The following SUCLG2 variants were observed in gnomAD, a reference collection of about 807,000 sequenced individuals.
The protein encoded by SUCLG2 is succinate-CoA ligase GDP-forming subunit beta.
Under a neutral mutation model 47.9 loss-of-function variants are expected in SUCLG2, and 42 were observed. The ratio of observed to expected loss-of-function variants is 0.88; its 90% CI spans 0.69 to 1.14. The LOEUF is 1.14. SUCLG2 is among the 50% of genes most tolerant of loss of function. SUCLG2 has a pLI of 0.00. For missense variants in SUCLG2, 571 were observed against 525.9 expected (o/e 1.09, Z -0.84); for synonymous variants, 195 against 197.3 (o/e 0.99, Z 0.10).
chr3:67,498,369 GCA>G, intron 7 of SUCLG2, 74 bp from the exon 8 acceptor site: 1 of 1,505,566 alleles, frequency 6.6e-7, no homozygotes, highest in Non-Finnish European at 9.1e-7. Flanking sequence ...AGGCTGGTAG[GCA>G]CAAGCGAAGG....
chr3:67,581,986 C>T (rs1339526451), intron 2 of SUCLG2, among the ~76,000 whole-genome samples: 1 of 152,116 alleles, frequency 6.6e-6, no homozygotes, highest in African/African-American at 2.4e-5. Flanking sequence ...ATTAAGAAGC[C>T]AAATTAGGAA....
chr3:67,522,661 CTT>C (rs201002662), intron 4 of SUCLG2, among the ~76,000 whole-genome samples: 15 of 134,408 alleles, frequency 1.1e-4, no homozygotes, highest in Admixed American at 3.0e-4. Flanking sequence ...GCTTTTCTTT[CTT>C]TTTTTTTTTT....
chr3:67,425,505 T>TG (rs1363140582), intron 9 of SUCLG2, among the ~76,000 whole-genome samples: 2 of 152,064 alleles, frequency 1.3e-5, no homozygotes, highest in Non-Finnish European at 2.9e-5. Flanking sequence ...TCCAATCTGT[T>TG]GGGGGCCTAA....
chr3:67,500,101 A>T (rs754256473), intron 7 of SUCLG2, among the ~76,000 whole-genome samples: 3 of 152,144 alleles, frequency 2.0e-5, no homozygotes, highest in Non-Finnish European at 4.4e-5. Context: ...GATACTACCT[A>T]TTCTCCTCCA....
intron 6 of SUCLG2, among the ~76,000 whole-genome samples, chr3:67,511,495 G>T (rs1378769166): frequency 6.6e-6 from 1 of 152,090 alleles, no homozygotes; most frequent in Non-Finnish European, 1.5e-5. Flanking sequence ...TTTATAAAGG[G>T]GGGGTTCCTC....
At chr3:67,549,312 C>T (rs533983576) in intron 2 of SUCLG2, among the ~76,000 whole-genome samples, 27 of 152,294 alleles carry the variant, frequency 1.8e-4, no homozygotes, top group African/African-American at 6.3e-4. Context: ...TCTACGCTAT[C>T]AATGTCACTG....
intron 10 of SUCLG2, among the ~76,000 whole-genome samples, chr3:67,392,778 T>A (rs1387614722): frequency 1.3e-5 from 2 of 152,080 alleles, no homozygotes; most frequent in African/African-American, 4.8e-5. Flanking sequence ...CATGTTATCA[T>A]GGAATCAAGG....
At chr3:67,501,787 A>G (rs912000126) in intron 7 of SUCLG2, among the ~76,000 whole-genome samples, 1 of 152,172 alleles carries the variant, frequency 6.6e-6, no homozygotes, top group Non-Finnish European at 1.5e-5. Context: ...GGGAGGTGCT[A>G]CAGGGTGGCT....
intron 10 of SUCLG2, among the ~76,000 whole-genome samples, chr3:67,387,290 T>C (rs1030255625): frequency 7.9e-5 from 12 of 152,292 alleles, no homozygotes; most frequent in Non-Finnish European, 1.6e-4. Flanking sequence ...GCATCAGTAT[T>C]GGTGTATTTC....
At chr3:67,419,826 T>C (rs757002128) in intron 9 of SUCLG2, among the ~76,000 whole-genome samples, 2 of 152,130 alleles carry the variant, frequency 1.3e-5, no homozygotes, top group Non-Finnish European at 2.9e-5. Context: ...GTGAAAAATA[T>C]TTAGAATGAC....
chr3:67,431,280 G>A (rs1425343814), intron 9 of SUCLG2, among the ~76,000 whole-genome samples: 2 of 152,154 alleles, frequency 1.3e-5, no homozygotes, highest in Admixed American at 1.3e-4. Context: ...TCATCCCTGG[G>A]ATGCAAGGCT....
intron 10 of SUCLG2, among the ~76,000 whole-genome samples, chr3:67,369,104 T>C (rs888879228): frequency 6.6e-6 from 1 of 152,190 alleles, no homozygotes; most frequent in Non-Finnish European, 1.5e-5. Context: ...TTCTTGAATA[T>C]TGTTTTCCTC....
At chr3:67,419,934 G>T (rs1019332564) in intron 9 of SUCLG2, among the ~76,000 whole-genome samples, 9 of 152,290 alleles carry the variant, frequency 5.9e-5, no homozygotes, top group Admixed American at 3.3e-4. Flanking sequence ...TTAAGAAAAG[G>T]TGAGGGAAAC....
downstream of SUCLG2, among the ~76,000 whole-genome samples, chr3:67,372,583 C>T (rs557696541): frequency 6.6e-6 from 1 of 152,228 alleles, no homozygotes; most frequent in Non-Finnish European, 1.5e-5. Flanking sequence ...TTCAAAAGTG[C>T]AAGGAGCTAC....
rs534687192 is a variant in SUCLG2 at position 67,417,142 on chromosome 3, T to A, written c.1063-16291A>T. Among the ~76,000 whole-genome samples the A allele has an allele frequency of 2.0e-5, 3 of 151,684 alleles. No individual in the cohort carries two copies. The South Asian group carries it at 6.3e-4, about 32-fold the overall frequency. On this transcript the variant is annotated intron_variant, in intron 9 of 10. Coordinates refer to ENST00000307227, the MANE Select transcript of SUCLG2 (RefSeq NM_003848.4). ...GAATTCTTGTCTAGAGAAAAAAAAA[T>A]AGTACTACCATACACTGTACTGTTT...
At chr3:67,574,339 G>T (rs761820351) in intron 2 of SUCLG2, among the ~76,000 whole-genome samples, 2 of 152,162 alleles carry the variant, frequency 1.3e-5, no homozygotes, top group African/African-American at 4.8e-5. Flanking sequence ...CGTCTTTGGG[G>T]AACTACTTTT....
At chr3:67,585,212 T>C (rs965176942) in intron 2 of SUCLG2, among the ~76,000 whole-genome samples, 2 of 152,166 alleles carry the variant, frequency 1.3e-5, no homozygotes, top group African/African-American at 4.8e-5. Context: ...ACAGCTTGCT[T>C]GCTCTCTTTC....
intron 10 of SUCLG2, among the ~76,000 whole-genome samples, chr3:67,389,265 G>C (rs1359461418): frequency 6.6e-6 from 1 of 152,158 alleles, no homozygotes; most frequent in African/African-American, 2.4e-5. Context: ...ACTTGGGAAA[G>C]TCAGAAAGGG....
chr3:67,369,367 C>T (rs1357993199), intron 10 of SUCLG2, among the ~76,000 whole-genome samples: 1 of 152,070 alleles, frequency 6.6e-6, no homozygotes, highest in Admixed American at 6.6e-5. Context: ...GCACAGATGC[C>T]ATGTTGTTTC....
Sources: allele counts gnomAD v4.1 joint callset (sites outside exome capture counted in the v4.1 genomes callset), GRCh38; gene constraint gnomAD v4.1.1; transcripts MANE v1.5; gene names NCBI Gene and HGNC (gene_info 2026-07-23, HGNC 2026-07-21).